The following NIPBL variants were observed in gnomAD, a reference collection of about 807,000 sequenced individuals.
NIPBL encodes NIPBL cohesin loading factor, also known as nipped-B-like protein.
A neutral mutation model predicts 321.8 loss-of-function variants in NIPBL; 19 were observed. That is an observed-to-expected ratio of 0.06 (90% confidence interval 0.04 to 0.09). The LOEUF (loss-of-function observed/expected upper bound fraction) is 0.09. Ranked by LOEUF, NIPBL falls within the 10% of genes least tolerant of loss-of-function variation. NIPBL has a pLI of 1.00. For missense variants in NIPBL, 2,210 were observed against 3,327.0 expected (o/e 0.66, Z 8.26); for synonymous variants, 1,106 against 1,114.1 (o/e 0.99, Z 0.14).
At chr5:37,059,391 C>T (rs1014293547) in intron 44 of NIPBL, among the ~76,000 whole-genome samples, 1 of 152,108 alleles carries the variant, frequency 6.6e-6, no homozygotes, top group African/African-American at 2.4e-5. Context: ...CCTGTGACCC[C>T]AGCTACTCAG....
chr5:36,900,222 C>A (rs1032418018), intron 1 of NIPBL, among the ~76,000 whole-genome samples: 1 of 152,032 alleles, frequency 6.6e-6, no homozygotes, highest in African/African-American at 2.4e-5. Flanking sequence ...AAAAAAAATA[C>A]AAAAACATTT....
At chr5:36,917,691 A>G (rs373645424) in intron 1 of NIPBL, among the ~76,000 whole-genome samples, 3 of 152,066 alleles carry the variant, frequency 2.0e-5, no homozygotes, top group East Asian at 1.9e-4. Flanking sequence ...TTCTTGAATT[A>G]ATTTTTGTAT....
intron 3 of NIPBL, among the ~76,000 whole-genome samples, chr5:36,957,590 CTG>C (rs1741107587): frequency 6.6e-6 from 1 of 151,962 alleles, no homozygotes; most frequent in Non-Finnish European, 1.5e-5. Context: ...TTTCTCTTGA[CTG>C]TGTAAAGTAA....
intron 1 of NIPBL, among the ~76,000 whole-genome samples, chr5:36,919,060 C>G (rs758850940): frequency 6.0e-5 from 9 of 151,002 alleles, no homozygotes; most frequent in African/African-American, 7.4e-5. Context: ...AGGGAGGAGT[C>G]CCTCTTTTTC....
chr5:37,018,960 A>G (rs913725852), intron 24 of NIPBL, among the ~76,000 whole-genome samples: 2 of 152,032 alleles, frequency 1.3e-5, no homozygotes, highest in African/African-American at 4.8e-5. Flanking sequence ...AAAATTAGCC[A>G]GGCATGGTGG....
chr5:37,013,129 G>T (rs1432184396), intron 21 of NIPBL, among the ~76,000 whole-genome samples: 1 of 148,774 alleles, frequency 6.7e-6, no homozygotes, highest in African/African-American at 2.5e-5. Context: ...GGGCAGAGGC[G>T]CCCCTCACCT....
intron 1 of NIPBL, among the ~76,000 whole-genome samples, chr5:36,889,218 G>A (rs1473371675): frequency 6.6e-6 from 1 of 152,054 alleles, no homozygotes; most frequent in Admixed American, 6.5e-5. Flanking sequence ...GCAAAGAATT[G>A]GTGTAATTTA....
chr5:37,044,553 T>C (rs1752778735), intron 35 of NIPBL, 66 bp downstream of exon 35: 1 of 1,584,844 alleles, frequency 6.3e-7, no homozygotes, highest in Non-Finnish European at 8.6e-7. Flanking sequence ...TATTAAAATT[T>C]TTAAAGCAAA....
Position 36,984,834 on chromosome 5 carries a change from G to T in NIPBL, c.1654G>T (p.Asp552Tyr). 2 of 1,613,822 alleles carry T rather than the reference G, an allele frequency of 1.2e-6. No individual in the cohort carries two copies. The highest frequency in any genetic ancestry group is 1.7e-6 in the Non-Finnish European group (2 of 1,179,848). ...SIDLHQAGRV[D>Y]SQASITQDSD... ...TGATCTTCATCAGGCAGGAAGAGTGGACTCTCAGGCTTCTATAACTCAGGA... is the reference window on the plus strand; with the variant it reads ...TGATCTTCATCAGGCAGGAAGAGTGTACTCTCAGGCTTCTATAACTCAGGA... The change falls in exon 10 of 47, where the codon GAC (aspartate) becomes TAC (tyrosine). Residue 552 changes from aspartate to tyrosine, a missense_variant. By Grantham distance (160) the Asp-to-Tyr change is radical (BLOSUM62 -3). Coordinates refer to ENST00000282516, the MANE Select transcript of NIPBL (RefSeq NM_133433.4).
In NIPBL at chr5:36,881,058, T is replaced by TA. The variant is rs967177275; in HGVS notation, c.-80+3882dup. Among the ~76,000 whole-genome samples the TA allele has an allele frequency of 1.1e-4, 17 of 152,142 alleles. No individual in the cohort carries two copies. The East Asian group carries it at 1.7e-3, about 16-fold the overall frequency. On this transcript the variant is annotated intron_variant, in intron 1 of 46. Transcript: ENST00000282516. ...ACCATTTGTTACTTTTTCAATTATC[T>TA]AAGTTCAAAGTGCATTTTTCTTGTC...
intron 21 of NIPBL, among the ~76,000 whole-genome samples, chr5:37,011,649 T>A (rs149064165): frequency 0.026 from 3,967 of 152,356 alleles, 91 homozygotes; most frequent in Non-Finnish European, 0.036. Flanking sequence ...TTGTCTCTAG[T>A]CTTCCTTTCC....
At chr5:37,053,261 TA>T (rs1753760449) in intron 42 of NIPBL, among the ~76,000 whole-genome samples, 1 of 152,166 alleles carries the variant, frequency 6.6e-6, no homozygotes, top group Non-Finnish European at 1.5e-5. Flanking sequence ...ATACTGTAGA[TA>T]ACTATAACAC....
chr5:37,036,476 A>G lies in NIPBL; in HGVS notation c.5960A>G (p.Glu1987Gly). 7.2e-7 allele frequency: 1 copy of G among 1,388,620 alleles called. No homozygotes were observed. The highest frequency in any genetic ancestry group is 2.2e-5 in the Admixed American group (1 of 46,168). 86.0% of individuals were successfully genotyped at this position (1,388,620 alleles called of 1,614,324 possible). A position where few individuals can be genotyped will look rare whatever the true frequency, so the allele number is the denominator to read the frequency against. Residue 1987 changes from glutamate to glycine, a missense_variant, in exon 33 of 47, where the codon GAA becomes GGA. Physicochemically the swap from Glu to Gly is moderately conservative, Grantham distance 98. Transcript: ENST00000282516. The stretch of plus-strand genomic sequence containing the variant: ...GTTGAGCACATTCTTAAATATGAGG[A>G]ATCTCTAGCTGGTAAGACATTTTAT... ...NLVEHILKYE[E>G]SLADSDNKGV...
chr5:37,048,177 A>G (rs543884285), intron 38 of NIPBL, among the ~76,000 whole-genome samples: 1 of 152,122 alleles, frequency 6.6e-6, no homozygotes, highest in African/African-American at 2.4e-5. Flanking sequence ...AGGTCACACT[A>G]CAAGTCAGTG....
chr5:37,037,309 G>C (rs978150105), intron 33 of NIPBL, among the ~76,000 whole-genome samples: 1 of 151,074 alleles, frequency 6.6e-6, no homozygotes, highest in Non-Finnish European at 1.5e-5. Context: ...AATGGCATGA[G>C]CCCGGGAGGC....
chr5:37,038,478 C>T (rs1396260930), intron 33 of NIPBL, 124 bp from the exon 34 acceptor site: 1 of 713,658 alleles, frequency 1.4e-6, no homozygotes, highest in Non-Finnish European at 2.3e-6. Flanking sequence ...ACTACTAATT[C>T]ATTATATTGA....
At chr5:36,944,438 A>G (rs1354105287) in intron 1 of NIPBL, among the ~76,000 whole-genome samples, 1 of 152,088 alleles carries the variant, frequency 6.6e-6, no homozygotes, top group Non-Finnish European at 1.5e-5. Context: ...TTCGTACTAG[A>G]TTGTCTTGAA....
At chr5:36,941,176 G>C (rs567777265) in intron 1 of NIPBL, among the ~76,000 whole-genome samples, 42 of 152,184 alleles carry the variant, frequency 2.8e-4, no homozygotes, top group Non-Finnish European at 5.1e-4. Flanking sequence ...GGTAAAGAGA[G>C]ATTAAACTAC....
chr5:36,908,562 A>G (rs1747818202), intron 1 of NIPBL, among the ~76,000 whole-genome samples: 1 of 152,194 alleles, frequency 6.6e-6, no homozygotes, highest in African/African-American at 2.4e-5. Context: ...TAGAATTGGT[A>G]CCACAAGGAA....
Sources: allele counts gnomAD v4.1 joint callset (sites outside exome capture counted in the v4.1 genomes callset), GRCh38; gene constraint gnomAD v4.1.1; transcripts MANE v1.5; gene names NCBI Gene and HGNC (gene_info 2026-07-23, HGNC 2026-07-21).